ADCY9: variants seen among roughly 807,000 people sequenced by gnomAD.
ADCY9 encodes the protein adenylate cyclase 9, also known as adenylate cyclase type 9.
A neutral mutation model predicts 101.5 loss-of-function variants in ADCY9; 50 were observed. That is an observed-to-expected ratio of 0.49 (90% CI 0.39 to 0.62). The LOEUF is 0.62. ADCY9 is among the 20% of genes least tolerant of loss of function. ADCY9 has a pLI of 0.00. For synonymous variants in ADCY9, 905 were observed against 769.3 expected (o/e 1.18, Z -2.92); for missense variants, 1,662 against 1,800.4 (o/e 0.92, Z 1.39).
At chr16:4,090,187 C>A (rs76128265) in intron 2 of ADCY9, among the ~76,000 whole-genome samples, 1 of 152,090 alleles carries the variant, frequency 6.6e-6, no homozygotes, top group Non-Finnish European at 1.5e-5. Context: ...AGGCCCCCCA[C>A]GCCCTATGGA....
intron 6 of ADCY9, chr16:3,983,793 T>G (rs1323805593): frequency 3.2e-5 from 8 of 248,912 alleles, no homozygotes; most frequent in African/African-American, 1.5e-4. Context: ...GGCATGGCAG[T>G]GCGTGAGTGT....
chr16:4,018,461 C>G (rs1355583680), intron 2 of ADCY9, among the ~76,000 whole-genome samples: 1 of 152,208 alleles, frequency 6.6e-6, no homozygotes, highest in Non-Finnish European at 1.5e-5. Flanking sequence ...GATCCACCCG[C>G]CTCGGCCTCC....
intron 2 of ADCY9, among the ~76,000 whole-genome samples, chr16:4,027,924 T>A (rs1042263402): frequency 6.6e-6 from 1 of 151,832 alleles, no homozygotes; most frequent in Non-Finnish European, 1.5e-5. Context: ...GTGAGACTTA[T>A]TCACTATCAC....
chr16:4,052,445 G>A (rs1027969348), intron 2 of ADCY9, among the ~76,000 whole-genome samples: 6 of 152,012 alleles, frequency 3.9e-5, no homozygotes, highest in East Asian at 1.9e-4. Context: ...AAATTATTCC[G>A]GAAAAAAGGG....
At position 3,966,968 on chromosome 16, in the gene ADCY9, T is replaced by C. The variant is rs1247931967; in HGVS notation, c.2871-2A>G. The C allele has an allele frequency of 6.2e-7, 1 of 1,607,058 alleles. No homozygotes were observed. Among genetic ancestry groups the C allele is most frequent in the South Asian group, 1.1e-5 (1 of 90,474 alleles). On this transcript the variant is annotated splice_acceptor_variant, in intron 10 of 10. Transcript: ENST00000294016. LOFTEE classifies it high-confidence loss of function. ...CTATTGCACGGGTTCCTCTCGGAAC[T>C]GGAGAGCAAAGACACGGGAAAGGGA...
At chr16:3,990,821 T>C (rs1347164356) in intron 5 of ADCY9, among the ~76,000 whole-genome samples, 4 of 152,192 alleles carry the variant, frequency 2.6e-5, no homozygotes, top group African/African-American at 9.6e-5. Context: ...TTTTTTGAGA[T>C]GGAGACTCGC....
At position 4,115,515 on chromosome 16, in the gene ADCY9, G is replaced by C; in HGVS notation, c.-43-30C>G. 6.9e-7 allele frequency: 1 copy of C among 1,453,310 alleles called. No homozygotes were observed. The highest frequency in any genetic ancestry group is 9.1e-7 in the Non-Finnish European group (1 of 1,103,186). The allele number at this position is 1,453,310 out of a possible 1,614,324, so 90.0% of individuals were successfully genotyped here. A position where few individuals can be genotyped will look rare whatever the true frequency, so the allele number is the denominator to read the frequency against. On this transcript the variant is annotated intron_variant, in intron 1 of 10. Transcript: ENST00000294016. The surrounding 1 kb of genome is among the most constrained non-coding windows in gnomAD (Gnocchi z 6.2). Reference sequence around the variant, plus strand: ...CAGCAAAACGGGGAGAGTTAGCGGCGCTCCCACCTAGGCATGCACGCCTAG... The same window carrying C: ...CAGCAAAACGGGGAGAGTTAGCGGCCCTCCCACCTAGGCATGCACGCCTAG...
At chr16:3,984,784 C>T (rs776448626) in intron 6 of ADCY9, among the ~76,000 whole-genome samples, 3 of 152,220 alleles carry the variant, frequency 2.0e-5, no homozygotes, top group Non-Finnish European at 2.9e-5. Flanking sequence ...CTCAGCATCC[C>T]GGCCAGGCTC....
chr16:4,030,281 G>A (rs966212083), intron 2 of ADCY9, among the ~76,000 whole-genome samples: 2 of 152,152 alleles, frequency 1.3e-5, no homozygotes, highest in South Asian at 4.1e-4. Context: ...GAGGAGGATC[G>A]ATGGATACGT....
chr16:4,007,344 G>GA (rs138501008), intron 3 of ADCY9, 24 bp downstream of exon 3: 33,109 of 1,134,590 alleles, frequency 0.029, no homozygotes, highest in South Asian at 0.054. Context: ...TTAGAAGTAG[G>GA]AAAAAAAAAA....
At chr16:4,033,319 T>C (rs191726285) in intron 2 of ADCY9, among the ~76,000 whole-genome samples, 20 of 152,296 alleles carry the variant, frequency 1.3e-4, no homozygotes, top group African/African-American at 4.6e-4. Context: ...GTTGCTTCCG[T>C]AGATTCACGT....
intron 8 of ADCY9, among the ~76,000 whole-genome samples, chr16:3,978,877 G>A (rs1014830045): frequency 6.6e-6 from 1 of 151,996 alleles, no homozygotes; most frequent in African/African-American, 2.4e-5. Context: ...CTGCCACCAT[G>A]ACCAGCTAAT....
At chr16:4,047,510 T>C (rs1339596098) in intron 2 of ADCY9, among the ~76,000 whole-genome samples, 3 of 152,062 alleles carry the variant, frequency 2.0e-5, no homozygotes, top group South Asian at 2.1e-4. Flanking sequence ...GGCAATTGGA[T>C]TGACAATTGC....
intron 2 of ADCY9, among the ~76,000 whole-genome samples, chr16:4,034,163 C>T (rs938943668): frequency 6.4e-4 from 98 of 152,234 alleles, no homozygotes; most frequent in African/African-American, 2.2e-3. Context: ...TCTGCCTTCT[C>T]GGTCTTACAC....
chr16:4,107,283 G>A (rs576495029), intron 2 of ADCY9, among the ~76,000 whole-genome samples: 20 of 152,284 alleles, frequency 1.3e-4, no homozygotes, highest in African/African-American at 4.8e-4. Context: ...GGGCGTGGTG[G>A]CTCACGCCTG....
intron 6 of ADCY9, among the ~76,000 whole-genome samples, chr16:3,986,975 C>T (rs907945373): frequency 1.6e-4 from 25 of 152,342 alleles, no homozygotes; most frequent in African/African-American, 6.0e-4. Context: ...CGTGACCTGG[C>T]CCCTGCCACG....
intron 2 of ADCY9, among the ~76,000 whole-genome samples, chr16:4,055,832 T>C (rs1297140406): frequency 4.0e-5 from 6 of 149,136 alleles, no homozygotes; most frequent in Non-Finnish European, 8.9e-5. Flanking sequence ...AGGATCCGTT[T>C]CAAAAAAAAA....
Position 4,114,728 on chromosome 16 carries a change from G to A in ADCY9, c.715C>T (p.His239Tyr), listed in dbSNP as rs763267565. The change falls in exon 2 of 11, where the codon CAC becomes TAC. Residue 239 changes from histidine (H) to tyrosine (Y), a missense_variant. This residue lies in a region of ADCY9 where 422 missense variants were observed against 392.0 expected (regional missense o/e 1.08). Coordinates refer to ENST00000294016, the MANE Select transcript of ADCY9 (RefSeq NM_001116.4). The surrounding 1 kb of genome is among the most constrained non-coding windows in gnomAD (Gnocchi z 4.3). Reference protein sequence around the residue: ...EVLFLLYTVMHLPLYLSLCLG... With the variant: ...EVLFLLYTVMYLPLYLSLCLG... ...CACAAACTCAGGTACAAAGGTAAGT[G>A]CATGACGGTATAGAGCAAAAAGAGC... 1.2e-6 allele frequency: 2 copies of A among 1,613,152 alleles called. No homozygotes were observed. The highest frequency in any genetic ancestry group is 2.2e-5 in the East Asian group (1 of 44,890).
chr16:3,999,042 C>T (rs2141712185), intron 3 of ADCY9, among the ~76,000 whole-genome samples: 1 of 152,224 alleles, frequency 6.6e-6, no homozygotes. Flanking sequence ...AGTACAGATG[C>T]CTCTGTGAAA....
Sources: gnomAD v4.1 joint callset for allele counts (sites outside exome capture counted in the v4.1 genomes callset) on GRCh38, gnomAD v4.1.1 for gene constraint, gnomAD v4.1.1 regional missense constraint, Gnocchi (gnomAD v3.1) non-coding constraint, MANE v1.5 for transcripts, NCBI Gene and HGNC (gene_info 2026-07-23, HGNC 2026-07-21) for gene names.